The following DGKH variants were observed in gnomAD, a reference collection of about 807,000 sequenced individuals.
DGKH encodes DAG kinase eta.
Under a neutral mutation model 159.3 loss-of-function variants are expected in DGKH, and 90 were observed. That is an observed-to-expected ratio of 0.57 (90% CI 0.48 to 0.67). The LOEUF (loss-of-function observed/expected upper bound fraction) is 0.67. DGKH is among the 30% of genes least tolerant of loss of function. DGKH has a pLI of 0.00. For missense variants in DGKH, 1,181 were observed against 1,506.1 expected, an observed-to-expected ratio of 0.78 and a Z score of 3.57; for synonymous variants, 536 against 553.8, an observed-to-expected ratio of 0.97 and a Z score of 0.45.
intron 7 of DGKH, among the ~76,000 whole-genome samples, 199 bp downstream of exon 7, chr13:42,160,335 T>C (rs1481748107): frequency 6.6e-6 from 1 of 152,250 alleles, no homozygotes; most frequent in Admixed American, 6.5e-5. Flanking sequence ...GTAAAACTTA[T>C]TCTTGTTCAT....
In DGKH at chr13:42,070,272, C is replaced by T. The variant is rs1160362623; in HGVS notation, c.192+21307C>T. 3.4e-5 allele frequency: 41 copies of T among 1,212,586 alleles called. No individual in the cohort carries two copies. The East Asian group carries it at 4.2e-4, about 12-fold the overall frequency. 75.1% of individuals were successfully genotyped at this position (1,212,586 alleles called of 1,614,324 possible). ...GTAGCTGAGTTAAAGGTTTGTGTGG[C>T]TCAGTCATGTGATTTCTAATGTAAA... On this transcript the variant is annotated intron_variant, in intron 1 of 29. Transcript: ENST00000337343.
chr13:42,062,192 T>C (rs1254524310), intron 1 of DGKH, among the ~76,000 whole-genome samples: 1 of 152,246 alleles, frequency 6.6e-6, no homozygotes, highest in East Asian at 1.9e-4. Context: ...TGTACAGTCA[T>C]GCAAACTCTT....
intron 26 of DGKH, 58 bp downstream of exon 26, chr13:42,215,725 C>A: frequency 2.8e-6 from 4 of 1,446,770 alleles, no homozygotes; most frequent in South Asian, 1.3e-5. Context: ...TGGGTCTTAC[C>A]TTCATTGGGG....
At chr13:42,111,495 G>A (rs529045984) in intron 1 of DGKH, among the ~76,000 whole-genome samples, 1 of 152,252 alleles carries the variant, frequency 6.6e-6, no homozygotes, top group South Asian at 2.1e-4. Context: ...TGCGAGAATC[G>A]CTTGAACCTG....
At chr13:42,143,162 G>GT (rs1209696198) in intron 3 of DGKH, among the ~76,000 whole-genome samples, 4 of 152,100 alleles carry the variant, frequency 2.6e-5, no homozygotes, top group African/African-American at 9.7e-5. Flanking sequence ...TAATCATATG[G>GT]TTTTTGTTGT....
intron 11 of DGKH, among the ~76,000 whole-genome samples, chr13:42,169,249 C>T (rs1956385620): frequency 6.6e-6 from 1 of 152,164 alleles, no homozygotes; most frequent in South Asian, 2.1e-4. Flanking sequence ...AGAATATCTC[C>T]TCTTAAATAT....
Position 42,210,727 on chromosome 13 carries a change from G to A in DGKH, c.2976G>A (p.Met992Ile). Reference sequence around the variant, plus strand: ...TGGCAACAGAAGAGGTGTCGCAGATGCAGCTATGCTCCCAGGCTGCAGAGG... The same window carrying A: ...TGGCAACAGAAGAGGTGTCGCAGATACAGCTATGCTCCCAGGCTGCAGAGG... Reference protein sequence around the residue: ...IDLATEEVSQMQLCSQAAEEL... With the variant: ...IDLATEEVSQIQLCSQAAEEL... The change falls in exon 24 of 30, where the codon ATG becomes ATA. Residue 992 changes from methionine to isoleucine, a missense_variant. Around this residue, in one of 5 missense-constraint regions of DGKH, gnomAD observed 335 missense variants for 495.2 expected, o/e 0.68. Coordinates refer to ENST00000337343, the MANE Select transcript of DGKH (RefSeq NM_178009.5). 3 of 1,612,506 alleles carry A rather than the reference G, an allele frequency of 1.9e-6. No individual in the cohort carries two copies. The highest frequency in any genetic ancestry group is 2.5e-6 in the Non-Finnish European group (3 of 1,179,966).
At chr13:42,070,178 A>T in intron 1 of DGKH, 2 of 943,252 alleles carry the variant, frequency 2.1e-6, no homozygotes, top group South Asian at 2.6e-5. Context: ...TCTGCTATTA[A>T]CCAATCCATG....
intron 29 of DGKH, among the ~76,000 whole-genome samples, chr13:42,222,334 CCTT>C (rs1394777625): frequency 6.6e-6 from 1 of 152,056 alleles, no homozygotes; most frequent in Non-Finnish European, 1.5e-5. Flanking sequence ...TGTTGTTGCA[CCTT>C]TATCTACAAA....
chr13:42,123,729 A>G (rs556120251), intron 1 of DGKH, among the ~76,000 whole-genome samples: 1 of 152,368 alleles, frequency 6.6e-6, no homozygotes, highest in South Asian at 2.1e-4. Context: ...AAATAAGCAG[A>G]GGAAAATGCT....
At chr13:42,256,088 C>A in intron 30 of DGKH, 5 of 1,233,826 alleles carry the variant, frequency 4.1e-6, no homozygotes, top group Non-Finnish European at 6.0e-6. Flanking sequence ...TGAAAATGAA[C>A]CAGGAAGTAG....
At chr13:42,226,835 C>T (rs537512663) in intron 29 of DGKH, among the ~76,000 whole-genome samples, 14 of 146,418 alleles carry the variant, frequency 9.6e-5, no homozygotes, top group South Asian at 8.6e-4. Context: ...CCAGCCCAAG[C>T]GACAGTATGA....
At chr13:42,211,155 A>G (rs1957648654) in intron 24 of DGKH, among the ~76,000 whole-genome samples, 1 of 152,208 alleles carries the variant, frequency 6.6e-6, no homozygotes, top group Non-Finnish European at 1.5e-5. Flanking sequence ...ATAAAAAGCA[A>G]GCCTATGAGT....
intron 26 of DGKH, among the ~76,000 whole-genome samples, 151 bp from the exon 27 acceptor site, chr13:42,219,074 TAAAAG>T (rs962329212): frequency 7.2e-5 from 11 of 152,188 alleles, no homozygotes; most frequent in African/African-American, 2.7e-4. Context: ...GAAATCAATA[TAAAAG>T]AATTTATTCT....
intron 1 of DGKH, among the ~76,000 whole-genome samples, chr13:42,119,646 C>G (rs748387490): frequency 3.3e-5 from 5 of 152,092 alleles, no homozygotes; most frequent in Non-Finnish European, 7.4e-5. Flanking sequence ...GTAATCTCTT[C>G]TTTTTAAAAA....
rs1389336977 is a variant in DGKH, at chr13:42,229,457, TC to T, written c.*270del. ...CACAATGGTAATAAGGTAGGAGGAA[TC>T]TGAGACGATTGCATTGTCTAAACAG... On this transcript the variant is annotated 3_prime_UTR_variant, in exon 30 of 30. Coordinates refer to ENST00000337343, the MANE Select transcript of DGKH (RefSeq NM_178009.5). The T allele has an allele frequency of 5.8e-6, 2 of 342,696 alleles. No homozygotes were observed. The highest frequency in any genetic ancestry group is 1.1e-5 in the Non-Finnish European group (2 of 189,820). 21.2% of individuals were successfully genotyped at this position (342,696 alleles called of 1,614,324 possible).
At chr13:42,112,836 C>T (rs530833599) in intron 1 of DGKH, among the ~76,000 whole-genome samples, 1 of 152,296 alleles carries the variant, frequency 6.6e-6, no homozygotes, top group South Asian at 2.1e-4. Context: ...CGAGACAGTG[C>T]GGGGATGGAC....
At chr13:42,090,992 C>T (rs768246473) in intron 1 of DGKH, among the ~76,000 whole-genome samples, 1 of 152,210 alleles carries the variant, frequency 6.6e-6, no homozygotes, top group Non-Finnish European at 1.5e-5. Flanking sequence ...CTCACCAACA[C>T]TGAACCTGCA....
chr13:42,104,871 A>G (rs1954718103), intron 1 of DGKH, among the ~76,000 whole-genome samples: 1 of 152,188 alleles, frequency 6.6e-6, no homozygotes, highest in South Asian at 2.1e-4. Flanking sequence ...TTCTTCTACC[A>G]TAGGAAAGAC....
Sources: allele counts gnomAD v4.1 joint callset (sites outside exome capture counted in the v4.1 genomes callset), GRCh38; gene constraint gnomAD v4.1.1; regional missense constraint gnomAD v4.1.1; transcripts MANE v1.5; gene names NCBI Gene and HGNC (gene_info 2026-07-23, HGNC 2026-07-21).